IFNAR2: variants seen among roughly 807,000 people sequenced by gnomAD.
IFNAR2 encodes the protein interferon alpha and beta receptor subunit 2, also known as interferon alpha/beta receptor 2.
Under a neutral mutation model 49.4 loss-of-function variants are expected in IFNAR2, and 30 were observed. The observed-to-expected ratio is 0.61, with a 90% confidence interval of 0.45 to 0.82. The LOEUF is 0.82. Among genes scored for constraint, IFNAR2 ranks in the 40% least tolerant of loss-of-function variants. The pLI is 0.00. For synonymous variants in IFNAR2, 224 were observed against 234.5 expected (o/e 0.96, Z 0.41); for missense variants, 600 against 622.7 (o/e 0.96, Z 0.39).
At chr21:33,260,438 G>A (rs944041448) in intron 7 of IFNAR2, 159 bp from the exon 8 acceptor site, 2 of 204,272 alleles carry the variant, frequency 9.8e-6, no homozygotes, top group African/African-American at 4.7e-5. Flanking sequence ...TGCACACTTA[G>A]ATAATTCTCC....
At chr21:33,247,246 C>CTTTTTTTTTTTTTTTTTTTTTTTTT (rs71194830) in intron 5 of IFNAR2, among the ~76,000 whole-genome samples, 2 of 101,246 alleles carry the variant, frequency 2.0e-5, no homozygotes, top group Non-Finnish European at 4.1e-5. Flanking sequence ...TTCTTTCTTT[C>CTTTTTTTTTTTTTTTTTTTTTTTTT]TTTCTTTCTT....
rs1040064636 is a variant in IFNAR2, at chr21:33,233,278, G to C, written c.-84+3062G>C. 3.3e-5 allele frequency among the ~76,000 whole-genome samples: 5 copies of C among 152,256 alleles called. No individual in the cohort carries two copies. The East Asian group carries it at 5.8e-4, about 18-fold the overall frequency. ...TCAACTGAAAAGGGACAAAGATTAAGAAGAAAGAAGCTATTATGAAAGACA... is the reference window on the plus strand; with the variant it reads ...TCAACTGAAAAGGGACAAAGATTAACAAGAAAGAAGCTATTATGAAAGACA... On this transcript the variant is annotated intron_variant, in intron 1 of 8. Coordinates refer to ENST00000342136, the MANE Select transcript of IFNAR2 (RefSeq NM_001289125.3).
chr21:33,249,226 C>T (rs1264768785), intron 6 of IFNAR2, among the ~76,000 whole-genome samples: 1 of 151,716 alleles, frequency 6.6e-6, no homozygotes, highest in Non-Finnish European at 1.5e-5. Flanking sequence ...CATCTGTAAT[C>T]CTAGCTACTC....
rs750457645 is a variant in IFNAR2 at position 33,252,818 on chromosome 21, G to A, written c.697G>A (p.Gly233Ser). Residue 233 changes from glycine (G) to serine (S), a missense_variant, in exon 7 of 9, where the codon GGC becomes AGC. By Grantham distance (56) the Gly-to-Ser change is moderately conservative. Transcript: ENST00000342136. Reference sequence around the variant, plus strand: ...CTTAAAATGCACCCTCCTTCCACCTGGCCAGGAATCAGGTATGTTCATTTT... The same window carrying A: ...CTTAAAATGCACCCTCCTTCCACCTAGCCAGGAATCAGGTATGTTCATTTT... ...SPLKCTLLPP[G>S]QESESAESAK... The A allele has an allele frequency of 7.4e-6, 12 of 1,613,220 alleles. No individual in the cohort carries two copies. The highest frequency in any genetic ancestry group is 3.3e-5 in the South Asian group (3 of 91,050).
intron 3 of IFNAR2, among the ~76,000 whole-genome samples, chr21:33,244,469 A>G (rs1413700014): frequency 6.6e-6 from 1 of 152,224 alleles, no homozygotes; most frequent in Non-Finnish European, 1.5e-5. Context: ...TCTGTGATCC[A>G]GGGAATAAGT....
At chr21:33,255,507 A>G (rs944909519) in intron 7 of IFNAR2, among the ~76,000 whole-genome samples, 7 of 152,222 alleles carry the variant, frequency 4.6e-5, no homozygotes, top group Admixed American at 6.5e-5. Context: ...CCATTTTATT[A>G]TAAAGGAATT....
At chr21:33,232,493 C>T (rs954298341) in intron 1 of IFNAR2, among the ~76,000 whole-genome samples, 1 of 151,944 alleles carries the variant, frequency 6.6e-6, no homozygotes, top group African/African-American at 2.4e-5. Flanking sequence ...TCATCTGGTA[C>T]GTGGAGATAT....
In IFNAR2 at chr21:33,241,903, A is replaced by G. The variant is rs1291923190; in HGVS notation, c.-20A>G. ...GATTTCAGATGTAAAAGTCAAGAGA[A>G]GACTCTAAAAATAGCAAAGATGCTT... On this transcript the variant is annotated 5_prime_UTR_variant, in exon 2 of 9. Coordinates refer to ENST00000342136, the MANE Select transcript of IFNAR2 (RefSeq NM_001289125.3). 7 of 1,610,684 alleles carry G rather than the reference A, an allele frequency of 4.3e-6. No homozygotes were observed. Among genetic ancestry groups the G allele is most frequent in the Non-Finnish European group, 5.1e-6 (6 of 1,177,320 alleles).
At chr21:33,255,856 C>T (rs1482611850) in intron 7 of IFNAR2, among the ~76,000 whole-genome samples, 2 of 152,140 alleles carry the variant, frequency 1.3e-5, no homozygotes, top group Non-Finnish European at 2.9e-5. Context: ...CACCCTGCCC[C>T]ATCACCTCAC....
intron 7 of IFNAR2, among the ~76,000 whole-genome samples, chr21:33,254,329 G>A (rs958291217): frequency 3.9e-5 from 6 of 152,180 alleles, no homozygotes; most frequent in African/African-American, 1.4e-4. Context: ...CTGACAAAAA[G>A]ATGCTTTGTA....
At chr21:33,247,138 G>A (rs936935235) in intron 5 of IFNAR2, among the ~76,000 whole-genome samples, 3 of 152,118 alleles carry the variant, frequency 2.0e-5, no homozygotes, top group African/African-American at 7.2e-5. Flanking sequence ...AAGGCAGTAG[G>A]AACTGCTGTT....
intron 1 of IFNAR2, chr21:33,236,831 A>T (rs987431071): frequency 1.0e-6 from 1 of 984,436 alleles, no homozygotes. Flanking sequence ...GGATCCTTCT[A>T]GCTGCAGGGC....
At chr21:33,256,007 T>A (rs997729286) in intron 7 of IFNAR2, among the ~76,000 whole-genome samples, 2 of 152,214 alleles carry the variant, frequency 1.3e-5, no homozygotes, top group Admixed American at 1.3e-4. Flanking sequence ...TTTTATTATA[T>A]CATTGATCTT....
chr21:33,248,600 C>A, intron 5 of IFNAR2, 109 bp from the exon 6 acceptor site: 2 of 950,508 alleles, frequency 2.1e-6, no homozygotes, highest in African/African-American at 1.7e-5. Context: ...TGATGTAAAT[C>A]AGGACTTGGC....
At chr21:33,259,818 A>T (rs995771923) in intron 7 of IFNAR2, among the ~76,000 whole-genome samples, 3 of 152,198 alleles carry the variant, frequency 2.0e-5, no homozygotes, top group Admixed American at 6.5e-5. Flanking sequence ...TGAACTATCA[A>T]GGGTTTTTAC....
chr21:33,236,796 A>G (rs996692810), intron 1 of IFNAR2: 2 of 983,150 alleles, frequency 2.0e-6, no homozygotes, highest in Non-Finnish European at 2.4e-6. Flanking sequence ...CAGGATAGCC[A>G]CAGGAGAACC....
At chr21:33,251,305 G>A (rs1243968580) in intron 6 of IFNAR2, among the ~76,000 whole-genome samples, 1 of 152,204 alleles carries the variant, frequency 6.6e-6, no homozygotes, top group Non-Finnish European at 1.5e-5. Flanking sequence ...GGTGAAAGTG[G>A]TCTACTGAGT....
In IFNAR2 at chr21:33,263,782, T is replaced by C. The variant is rs1988800590; in HGVS notation, c.*282T>C. The C allele has an allele frequency of 2.6e-6, 1 of 389,172 alleles. No homozygotes were observed. Among genetic ancestry groups the C allele is most frequent in the African/African-American group, 2.0e-5 (1 of 48,962 alleles). The allele number at this position is 389,172 out of a possible 1,614,324, so 24.1% of individuals were successfully genotyped here. On this transcript the variant is annotated 3_prime_UTR_variant, in exon 9 of 9. Coordinates refer to ENST00000342136, the MANE Select transcript of IFNAR2 (RefSeq NM_001289125.3). ...GCACTTAGGATGTTTCTGCATCATG[T>C]CTACCAGGGAGCAGGGTTCCCCACA...
intron 5 of IFNAR2, among the ~76,000 whole-genome samples, chr21:33,247,305 G>A (rs899053146): frequency 2.1e-5 from 3 of 140,102 alleles, no homozygotes; most frequent in Non-Finnish European, 3.0e-5. Context: ...AGGCTAGAGT[G>A]CAGTGGTGCG....
Sources: gnomAD v4.1 joint callset for allele counts (sites outside exome capture counted in the v4.1 genomes callset) on GRCh38, gnomAD v4.1.1 for gene constraint, MANE v1.5 for transcripts, NCBI Gene and HGNC (gene_info 2026-07-23, HGNC 2026-07-21) for gene names.